Variants in GNAQ observed in about 807,000 individuals in gnomAD.
GNAQ encodes the protein guanine nucleotide-binding protein G(q) subunit alpha.
GNAQ carries 8 observed loss-of-function variants against 43.9 expected under a neutral mutation model. That is an observed-to-expected ratio of 0.18 (90% confidence interval 0.11 to 0.33). The LOEUF (loss-of-function observed/expected upper bound fraction) is 0.33. Ranked by LOEUF, GNAQ falls within the 10% of genes least tolerant of loss-of-function variation. The pLI is 1.00. For synonymous variants in GNAQ, 155 were observed against 170.7 expected, an observed-to-expected ratio of 0.91 and a Z score of 0.71; for missense variants, 158 against 450.8, an observed-to-expected ratio of 0.35 and a Z score of 5.88.
At chr9:77,938,621 T>C (rs1829268044) in intron 1 of GNAQ, among the ~76,000 whole-genome samples, 1 of 152,136 alleles carries the variant, frequency 6.6e-6, no homozygotes, top group Non-Finnish European at 1.5e-5. Context: ...TAGTCTGTGC[T>C]GCAGTGAGAG....
intron 1 of GNAQ, among the ~76,000 whole-genome samples, chr9:78,010,814 A>G (rs1392535034): frequency 6.6e-6 from 1 of 152,156 alleles, no homozygotes; most frequent in African/African-American, 2.4e-5. Flanking sequence ...AAACAGTACA[A>G]TGTTGAGGGA....
At chr9:77,759,783 A>G (rs1201187434) in intron 5 of GNAQ, among the ~76,000 whole-genome samples, 1 of 152,184 alleles carries the variant, frequency 6.6e-6, no homozygotes, top group Non-Finnish European at 1.5e-5. Context: ...AGGTCTCTCC[A>G]TCTCCAAAAG....
chr9:77,769,755 C>G (rs979616491), intron 5 of GNAQ, among the ~76,000 whole-genome samples: 1 of 150,508 alleles, frequency 6.6e-6, no homozygotes, highest in South Asian at 2.1e-4. Flanking sequence ...AGCTCTGCCT[C>G]CTGGGTTCAT....
intron 2 of GNAQ, among the ~76,000 whole-genome samples, chr9:77,902,311 A>G (rs1322271664): frequency 6.6e-6 from 1 of 152,214 alleles, no homozygotes; most frequent in Non-Finnish European, 1.5e-5. Flanking sequence ...TCTGATGAAG[A>G]ATATCATTTT....
Position 77,881,038 on chromosome 9 carries a change from T to C in GNAQ, c.321+41123A>G, listed in dbSNP as rs988873274. 2.6e-5 allele frequency among the ~76,000 whole-genome samples: 4 copies of C among 152,352 alleles called. No homozygotes were observed. The South Asian group carries it at 8.3e-4, about 32-fold the overall frequency. ...CATAGGAGTTAGCATGCTCCCTCTC[T>C]ACCTACAGGTCTTGGCCCAAATGCT... is the stretch of plus-strand genomic sequence containing the variant. On this transcript the variant is annotated intron_variant, in intron 2 of 6. Coordinates refer to ENST00000286548, the MANE Select transcript of GNAQ (RefSeq NM_002072.5).
chr9:77,926,573 G>A (rs1587414074), intron 1 of GNAQ, among the ~76,000 whole-genome samples: 1 of 152,074 alleles, frequency 6.6e-6, no homozygotes, highest in Admixed American at 6.6e-5. Context: ...CTGGTGACAA[G>A]CCCTTACATA....
intron 2 of GNAQ, among the ~76,000 whole-genome samples, chr9:77,911,372 T>G (rs1354111002): frequency 6.6e-6 from 1 of 152,212 alleles, no homozygotes; most frequent in African/African-American, 2.4e-5. Flanking sequence ...TACGTGTGTA[T>G]GTGGATACAT....
chr9:77,978,677 T>G (rs1459702509), intron 1 of GNAQ, among the ~76,000 whole-genome samples: 2 of 152,228 alleles, frequency 1.3e-5, no homozygotes, highest in African/African-American at 2.4e-5. Context: ...GAACCCTTTA[T>G]CAGTGAACCT....
intron 1 of GNAQ, among the ~76,000 whole-genome samples, chr9:77,936,156 G>A (rs565062465): frequency 3.9e-5 from 6 of 152,264 alleles, no homozygotes; most frequent in African/African-American, 1.4e-4. Flanking sequence ...TGAAAAACGA[G>A]GAAGTGAAAC....
At chr9:78,000,457 A>C (rs940302672) in intron 1 of GNAQ, among the ~76,000 whole-genome samples, 1 of 152,222 alleles carries the variant, frequency 6.6e-6, no homozygotes, top group East Asian at 1.9e-4. Flanking sequence ...GATGGTTTTT[A>C]TGTCAATTCA....
intron 1 of GNAQ, among the ~76,000 whole-genome samples, chr9:77,967,404 A>T (rs986625448): frequency 1.3e-5 from 2 of 152,170 alleles, no homozygotes; most frequent in Middle Eastern, 3.2e-3. Context: ...TCTTGTTGGT[A>T]GATTTCGGGT....
intron 1 of GNAQ, among the ~76,000 whole-genome samples, chr9:78,007,977 C>G (rs1006879275): frequency 6.6e-6 from 1 of 152,106 alleles, no homozygotes; most frequent in South Asian, 2.1e-4. Context: ...TTCTCATGAG[C>G]AAGAGAGAAG....
chr9:77,873,387 T>C (rs1161207737), intron 2 of GNAQ, among the ~76,000 whole-genome samples: 1 of 152,188 alleles, frequency 6.6e-6, no homozygotes, highest in Non-Finnish European at 1.5e-5. Flanking sequence ...ATAGCAAAAA[T>C]GCCTATTTGT....
chr9:77,760,425 C>T (rs1196405761), intron 5 of GNAQ, among the ~76,000 whole-genome samples: 1 of 152,116 alleles, frequency 6.6e-6, no homozygotes, highest in East Asian at 1.9e-4. Flanking sequence ...GCCGGGCTGG[C>T]CTCCAGCTCC....
intron 1 of GNAQ, among the ~76,000 whole-genome samples, chr9:77,965,365 C>G (rs942208096): frequency 1.1e-4 from 16 of 152,040 alleles, no homozygotes; most frequent in African/African-American, 3.9e-4. Context: ...CAAATTAACA[C>G]CAAAACTGAA....
intron 5 of GNAQ, among the ~76,000 whole-genome samples, chr9:77,741,333 T>C (rs1361441053): frequency 6.7e-6 from 1 of 148,466 alleles, no homozygotes; most frequent in African/African-American, 2.6e-5. Context: ...CATATTTACT[T>C]ATAATTTATG....
chr9:77,836,238 C>T (rs12339021), intron 2 of GNAQ, among the ~76,000 whole-genome samples: 2,881 of 151,668 alleles, frequency 0.019, 83 homozygotes, highest in African/African-American at 0.063. Flanking sequence ...AAGCCCCCCC[C>T]GGATCTGTCC....
chr9:77,876,957 A>T (rs541385083), intron 2 of GNAQ, among the ~76,000 whole-genome samples: 1 of 152,218 alleles, frequency 6.6e-6, no homozygotes, highest in Non-Finnish European at 1.5e-5. Flanking sequence ...AGGAAAAATC[A>T]ATTAAAACAG....
intron 2 of GNAQ, among the ~76,000 whole-genome samples, chr9:77,902,159 A>C (rs1828626219): frequency 6.6e-6 from 1 of 152,232 alleles, no homozygotes; most frequent in Non-Finnish European, 1.5e-5. Context: ...CATTACATTA[A>C]AACTCACTGG....
Sources: allele counts gnomAD v4.1 joint callset (sites outside exome capture counted in the v4.1 genomes callset), GRCh38; gene constraint gnomAD v4.1.1; transcripts MANE v1.5; gene names NCBI Gene and HGNC (gene_info 2026-07-23, HGNC 2026-07-21).